Variants in SYNJ2 observed in about 807,000 individuals in gnomAD.
The protein encoded by SYNJ2 is synaptojanin 2.
A neutral mutation model predicts 141.3 loss-of-function variants in SYNJ2; 116 were observed. The observed-to-expected ratio is 0.82, with a 90% confidence interval of 0.71 to 0.96. The LOEUF (loss-of-function observed/expected upper bound fraction) is 0.96. SYNJ2 is among the 40% of genes least tolerant of loss of function. SYNJ2 has a pLI of 0.00. For missense variants in SYNJ2, 1,873 were observed against 1,934.8 expected, an observed-to-expected ratio of 0.97 and a Z score of 0.60; for synonymous variants, 745 against 777.7, an observed-to-expected ratio of 0.96 and a Z score of 0.70.
chr6:158,016,700 C>A (rs1778472706), intron 1 of SYNJ2, among the ~76,000 whole-genome samples: 1 of 152,060 alleles, frequency 6.6e-6, no homozygotes, highest in Non-Finnish European at 1.5e-5. Flanking sequence ...ACAATCACTG[C>A]CAAAGACCCG....
intron 7 of SYNJ2, among the ~76,000 whole-genome samples, chr6:158,060,057 C>A (rs1485841190): frequency 2.0e-5 from 3 of 152,186 alleles, no homozygotes; most frequent in Non-Finnish European, 4.4e-5. Context: ...TGGGTGAGTT[C>A]CCCCAGCCCC....
intron 1 of SYNJ2, among the ~76,000 whole-genome samples, chr6:157,994,361 C>T (rs1188077437): frequency 6.6e-6 from 1 of 152,210 alleles, no homozygotes. Flanking sequence ...CCACGTGCTC[C>T]AGGGCAGAAC....
chr6:158,052,908 T>C (rs1463253637), intron 5 of SYNJ2, among the ~76,000 whole-genome samples: 1 of 152,214 alleles, frequency 6.6e-6, no homozygotes, highest in South Asian at 2.1e-4. Context: ...ATTGATCACT[T>C]GTCTCAGTGA....
At chr6:158,048,252 G>A (rs73579681) in intron 5 of SYNJ2, among the ~76,000 whole-genome samples, 43 of 152,290 alleles carry the variant, frequency 2.8e-4, no homozygotes, top group African/African-American at 9.4e-4. Context: ...GGTGTGGGGT[G>A]GGCTGCCCAA....
At chr6:157,989,427 AATAT>A (rs34948131) in intron 1 of SYNJ2, among the ~76,000 whole-genome samples, 13,799 of 95,826 alleles carry the variant, frequency 0.14, 1,064 homozygotes, top group Admixed American at 0.25. Flanking sequence ...TAAAAAAATG[AATAT>A]ATATATATAT....
chr6:158,079,561 C>T (rs145579950), intron 18 of SYNJ2, among the ~76,000 whole-genome samples: 1,542 of 151,752 alleles, frequency 0.01, 28 homozygotes, highest in African/African-American at 0.035. Context: ...TTAGTAGAAA[C>T]GGTTTTGCCA....
chr6:158,014,463 G>A (rs1172175306), intron 1 of SYNJ2, among the ~76,000 whole-genome samples: 3 of 152,268 alleles, frequency 2.0e-5, no homozygotes, highest in Non-Finnish European at 4.4e-5. Flanking sequence ...TCCTTTAGGA[G>A]TGCTGCTTGC....
intron 8 of SYNJ2, 89 bp downstream of exon 8, chr6:158,062,253 G>A: frequency 6.4e-7 from 1 of 1,550,694 alleles, no homozygotes; most frequent in Non-Finnish European, 8.7e-7. Flanking sequence ...GCCTTCTGCT[G>A]GGTGAGGCGG....
chr6:158,087,483 C>T (rs1783130535), intron 23 of SYNJ2, among the ~76,000 whole-genome samples: 1 of 152,196 alleles, frequency 6.6e-6, no homozygotes. Context: ...GGAGCATTTT[C>T]TTCTGGTTGT....
chr6:158,059,519 T>A, intron 7 of SYNJ2, 166 bp downstream of exon 7: 1 of 1,417,854 alleles, frequency 7.1e-7, no homozygotes, highest in Non-Finnish European at 9.2e-7. Context: ...CAGTGCTCAG[T>A]GACTCGGGCC....
chr6:158,028,678 G>A (rs556472877), intron 2 of SYNJ2, 78 bp from the exon 3 acceptor site: 1 of 1,555,818 alleles, frequency 6.4e-7, no homozygotes, highest in Non-Finnish European at 8.7e-7. Context: ...TTGAACCTGG[G>A]CTCCATTTGT....
rs1169045051 is a variant in SYNJ2 at position 158,027,556 on chromosome 6, CA to C, written c.215-1199del. The C allele has an allele frequency of 6.6e-6, 1 of 152,284 alleles. No individual in the cohort carries two copies. Among genetic ancestry groups the C allele is most frequent in the East Asian group, 1.9e-4 (1 of 5,196 alleles). 9.4% of individuals were successfully genotyped at this position (152,284 alleles called of 1,614,324 possible). A position where few individuals can be genotyped will look rare whatever the true frequency, so the allele number is the denominator to read the frequency against. On this transcript the variant is annotated intron_variant, in intron 2 of 26. Transcript: ENST00000355585. The surrounding 1 kb of genome is among the most constrained non-coding windows in gnomAD (Gnocchi z 4.6). Reference sequence around the variant, plus strand: ...GAGGGCTGCCTCATTCGCCTGGCTGCAGGGTCCGAGGTCGTCTTGGTAGCAT... The same window carrying C: ...GAGGGCTGCCTCATTCGCCTGGCTGCGGGTCCGAGGTCGTCTTGGTAGCAT...
intron 17 of SYNJ2, 122 bp downstream of exon 17, chr6:158,076,904 T>C: frequency 2.3e-6 from 3 of 1,280,316 alleles, no homozygotes; most frequent in Non-Finnish European, 3.1e-6. Context: ...TAACCCCAGA[T>C]GACACAAAAG....
chr6:158,042,215 C>A (rs1474275477), intron 4 of SYNJ2, among the ~76,000 whole-genome samples: 1 of 152,230 alleles, frequency 6.6e-6, no homozygotes, highest in Non-Finnish European at 1.5e-5. Flanking sequence ...TGCTGGTACT[C>A]AATACCTGGA....
rs75426620 is a variant in SYNJ2, at chr6:158,042,042, T to C, written c.712-1274T>C. ...GATATTGTTAAACATTGTCTTTATA[T>C]ACAAATGTTGGTTTCTTTTCCAGGA... is the stretch of plus-strand genomic sequence containing the variant. On this transcript the variant is annotated intron_variant, in intron 4 of 26. Transcript: ENST00000355585. Among the ~76,000 whole-genome samples, 167 of 152,352 alleles carry C rather than the reference T, an allele frequency of 1.1e-3. 3 individuals are homozygous for C. In the East Asian group the frequency reaches 0.027, roughly 24 times the overall value.
chr6:158,020,723 A>G, intron 2 of SYNJ2, among the ~76,000 whole-genome samples: 1 of 152,082 alleles, frequency 6.6e-6, no homozygotes, highest in East Asian at 1.9e-4. Flanking sequence ...TCCAACTTTC[A>G]GTTGCCACGA....
Position 158,071,888 on chromosome 6 carries a change from C to A in SYNJ2, c.2133+94C>A. ...GAGCCAGGCACTGGGGACACAACCA[C>A]AGGGAGGGCCCCTTCCTGGAGGGCT... On this transcript the variant is annotated intron_variant, in intron 15 of 26. Coordinates refer to ENST00000355585, the MANE Select transcript of SYNJ2 (RefSeq NM_003898.4). This position sits in a 1 kb window ranked among gnomAD's most constrained non-coding sequence, Gnocchi z 4.3. 1.4e-6 allele frequency: 2 copies of A among 1,404,268 alleles called. No individual in the cohort carries two copies. Among genetic ancestry groups the A allele is most frequent in the Non-Finnish European group, 1.9e-6 (2 of 1,040,130 alleles). 87.0% of individuals were successfully genotyped at this position (1,404,268 alleles called of 1,614,324 possible).
chr6:158,031,602 C>G (rs1779364638), intron 3 of SYNJ2, among the ~76,000 whole-genome samples: 1 of 142,726 alleles, frequency 7.0e-6, no homozygotes, highest in Non-Finnish European at 1.5e-5. Flanking sequence ...GCCTGAACCC[C>G]CACTGTTGTG....
At chr6:158,020,431 T>C (rs1228526548) in intron 2 of SYNJ2, among the ~76,000 whole-genome samples, 1 of 151,466 alleles carries the variant, frequency 6.6e-6, no homozygotes, top group Admixed American at 6.6e-5. Context: ...TGACTCCAAT[T>C]GTATGACTGA....
Sources: allele counts gnomAD v4.1 joint callset (sites outside exome capture counted in the v4.1 genomes callset), GRCh38; gene constraint gnomAD v4.1.1; non-coding constraint Gnocchi (gnomAD v3.1); transcripts MANE v1.5; gene names NCBI Gene and HGNC (gene_info 2026-07-23, HGNC 2026-07-21).